Variants in LAP3 observed in about 807,000 individuals in gnomAD.
LAP3 encodes the protein cytosol aminopeptidase.
In LAP3, 46 loss-of-function variants were observed where a neutral mutation model predicts 58.8. The ratio of observed to expected loss-of-function variants is 0.78; its 90% confidence interval spans 0.62 to 1.00. The LOEUF (loss-of-function observed/expected upper bound fraction) is 1.00. Ranked by LOEUF, LAP3 falls within the 50% of genes least tolerant of loss-of-function variation. The pLI is 0.00. For synonymous variants in LAP3, 257 were observed against 237.7 expected, an observed-to-expected ratio of 1.08 and a Z score of -0.75; for missense variants, 615 against 659.1, an observed-to-expected ratio of 0.93 and a Z score of 0.73.
chr4:17,591,536 G>T (rs529129784), intron 7 of LAP3, among the ~76,000 whole-genome samples: 1 of 152,234 alleles, frequency 6.6e-6, no homozygotes, highest in East Asian at 1.9e-4. Flanking sequence ...TTTTTGCTGA[G>T]AATAAAAACA....
intron 1 of LAP3, among the ~76,000 whole-genome samples, chr4:17,577,773 C>T (rs1025029025): frequency 2.6e-5 from 4 of 152,226 alleles, no homozygotes; most frequent in Non-Finnish European, 4.4e-5. Context: ...TTCCCCTGCT[C>T]GGGGCTAGGG....
chr4:17,602,775 C>T (rs1016578485), intron 10 of LAP3, among the ~76,000 whole-genome samples: 1 of 152,028 alleles, frequency 6.6e-6, no homozygotes, highest in Admixed American at 6.5e-5. Flanking sequence ...GCCTCTGCCT[C>T]CTGGGTTCAA....
chr4:17,579,493 G>T (rs1186419520), intron 1 of LAP3, among the ~76,000 whole-genome samples: 1 of 152,194 alleles, frequency 6.6e-6, no homozygotes, highest in Non-Finnish European at 1.5e-5. Context: ...TCCTTTCAGG[G>T]TCTATCTTGG....
chr4:17,604,790 TTGAAAA>T, intron 11 of LAP3, 123 bp downstream of exon 11: 1 of 738,496 alleles, frequency 1.4e-6, no homozygotes, highest in Non-Finnish European at 2.3e-6. Context: ...TGCCTTTGAA[TTGAAAA>T]TGAACCACAG....
chr4:17,592,890 C>T (rs1377684292), intron 7 of LAP3, among the ~76,000 whole-genome samples: 1 of 152,246 alleles, frequency 6.6e-6, no homozygotes, highest in Non-Finnish European at 1.5e-5. Context: ...CCTCCGCCTT[C>T]TGGGTTCAAG....
chr4:17,587,855 T>C (rs1577220874), intron 6 of LAP3, among the ~76,000 whole-genome samples: 1 of 152,090 alleles, frequency 6.6e-6, no homozygotes, highest in African/African-American at 2.4e-5. Context: ...ATTAAAAAGA[T>C]AGAATTCAAC....
chr4:17,587,301 T>G (rs931316681), intron 6 of LAP3, among the ~76,000 whole-genome samples: 1 of 152,150 alleles, frequency 6.6e-6, no homozygotes, highest in South Asian at 2.1e-4. Context: ...CGCTAAGCAC[T>G]CTCCATTGTA....
At chr4:17,605,696 A>G (rs1279596852) in intron 11 of LAP3, among the ~76,000 whole-genome samples, 1 of 152,058 alleles carries the variant, frequency 6.6e-6, no homozygotes, top group Non-Finnish European at 1.5e-5. Flanking sequence ...CAGCCCCATC[A>G]TCTTCTTCCA....
chr4:17,606,794 C>T (rs1488433566), intron 11 of LAP3, 35 bp from the exon 12 acceptor site: 13 of 1,437,744 alleles, frequency 9.0e-6, no homozygotes, highest in Non-Finnish European at 1.3e-5. Flanking sequence ...CAACCTGCCT[C>T]ATCCACTCTT....
intron 10 of LAP3, among the ~76,000 whole-genome samples, chr4:17,601,616 G>A (rs541757327): frequency 6.6e-6 from 1 of 152,204 alleles, no homozygotes; most frequent in South Asian, 2.1e-4. Flanking sequence ...TCCCCCCTCA[G>A]ATACCAAACC....
chr4:17,577,627 G>A (rs550669010), intron 1 of LAP3, 60 bp downstream of exon 1: 1 of 1,344,968 alleles, frequency 7.4e-7, no homozygotes, highest in African/African-American at 1.5e-5. Context: ...GGCTACTGGG[G>A]CTGCGGGGCT....
At chr4:17,593,099 A>C (rs1577222604) in intron 7 of LAP3, among the ~76,000 whole-genome samples, 3 of 152,314 alleles carry the variant, frequency 2.0e-5, no homozygotes. Context: ...CACCCAGCCA[A>C]AGCTGGGCAT....
chr4:17,605,710 C>T (rs895711823), intron 11 of LAP3, among the ~76,000 whole-genome samples: 1 of 152,126 alleles, frequency 6.6e-6, no homozygotes, highest in Non-Finnish European at 1.5e-5. Context: ...TCTTCCAGGC[C>T]GGGCCAGGAA....
chr4:17,585,434 GA>G (rs1713485501), intron 6 of LAP3: 1 of 154,508 alleles, frequency 6.5e-6, no homozygotes. Context: ...GCAATTCAGT[GA>G]TTTTTTTTTT....
At chr4:17,589,130 G>A (rs534689969) in intron 7 of LAP3, among the ~76,000 whole-genome samples, 153 bp downstream of exon 7, 65 of 151,230 alleles carry the variant, frequency 4.3e-4, no homozygotes, top group African/African-American at 1.6e-3. Flanking sequence ...GCGTGATCTC[G>A]GCTCACTGCA....
At chr4:17,579,483 T>C (rs1474870487) in intron 1 of LAP3, among the ~76,000 whole-genome samples, 1 of 152,224 alleles carries the variant, frequency 6.6e-6, no homozygotes, top group South Asian at 2.1e-4. Flanking sequence ...ATGTTCTGAA[T>C]CCTTTCAGGG....
chr4:17,604,774 C>G, intron 11 of LAP3, 107 bp downstream of exon 11: 1 of 844,204 alleles, frequency 1.2e-6, no homozygotes, highest in Non-Finnish European at 1.9e-6. Flanking sequence ...TTTTATGCCG[C>G]AGGTTTGCCT....
intron 7 of LAP3, among the ~76,000 whole-genome samples, chr4:17,591,762 A>G (rs1713692977): frequency 6.6e-6 from 1 of 152,130 alleles, no homozygotes; most frequent in Non-Finnish European, 1.5e-5. Flanking sequence ...TGCACACAAG[A>G]GCGTGATGGA....
intron 9 of LAP3, 102 bp downstream of exon 9, chr4:17,597,236 T>C: frequency 2.1e-6 from 2 of 938,880 alleles, no homozygotes; most frequent in South Asian, 2.6e-5. Context: ...CCCAGAACCA[T>C]ATTAGGGGAG....
Sources: allele counts gnomAD v4.1 joint callset (sites outside exome capture counted in the v4.1 genomes callset), GRCh38; gene constraint gnomAD v4.1.1; transcripts MANE v1.5; gene names NCBI Gene and HGNC (gene_info 2026-07-23, HGNC 2026-07-21).